The following NRXN2 variants were observed in gnomAD, a reference collection of about 807,000 sequenced individuals.
NRXN2 encodes the protein neurexin 2.
In NRXN2, 29 loss-of-function variants were observed where a neutral mutation model predicts 128.8. The observed-to-expected ratio is 0.23, with a 90% CI of 0.17 to 0.31. NRXN2 has a LOEUF of 0.31. Ranked by LOEUF, NRXN2 falls within the 10% of genes least tolerant of loss-of-function variation. The pLI is 1.00. For synonymous variants in NRXN2, 1,098 were observed against 1,075.2 expected (o/e 1.02, Z -0.41); for missense variants, 1,881 against 2,452.6 (o/e 0.77, Z 4.92).
At chr11:64,644,614 G>GGTC (rs2046356982) in intron 17 of NRXN2, among the ~76,000 whole-genome samples, 1 of 152,040 alleles carries the variant, frequency 6.6e-6, no homozygotes, top group East Asian at 1.9e-4. Context: ...TCCCGTCACC[G>GGTC]GGTCGTATGC....
At chr11:64,615,068 T>C (rs1223295641) in intron 22 of NRXN2, among the ~76,000 whole-genome samples, 2 of 152,208 alleles carry the variant, frequency 1.3e-5, no homozygotes, top group Admixed American at 6.5e-5. Flanking sequence ...AGCAAGGCCA[T>C]ACCTCACAGC....
At chr11:64,709,051 A>G (rs942673017) in intron 2 of NRXN2, among the ~76,000 whole-genome samples, 2 of 151,876 alleles carry the variant, frequency 1.3e-5, no homozygotes, top group African/African-American at 4.8e-5. Flanking sequence ...AATTAGCTGG[A>G]CATAGTGGCG....
rs1267271825 is a variant in NRXN2, at chr11:64,660,711, G to A, written c.2185+42C>T. 1.1e-5 allele frequency: 18 copies of A among 1,605,020 alleles called. No homozygotes were observed. In the Admixed American group the frequency reaches 3.0e-4, roughly 27 times the overall value. On this transcript the variant is annotated intron_variant, in intron 10 of 22. Coordinates refer to ENST00000265459, the MANE Select transcript of NRXN2 (RefSeq NM_015080.4). This position sits in a 1 kb window ranked among gnomAD's most constrained non-coding sequence, Gnocchi z 5.2. Reference sequence around the variant, plus strand: ...AGTCACCCTGAGAAGGAGGAGCACAGGGATAGGGAGCAGGGACACCTAGGA... The same window carrying A: ...AGTCACCCTGAGAAGGAGGAGCACAAGGATAGGGAGCAGGGACACCTAGGA...
Position 64,623,233 on chromosome 11 carries a change from G to T in NRXN2, c.3848-155C>A. ...GACGGGGAGAAATGAGGAAGGGGCA[G>T]AAAGCCAAAGGGAAAGTCCTTGTCA... On this transcript the variant is annotated intron_variant, in intron 20 of 22. Coordinates refer to ENST00000265459, the MANE Select transcript of NRXN2 (RefSeq NM_015080.4). This position sits in a 1 kb window ranked among gnomAD's most constrained non-coding sequence, Gnocchi z 4.9. The T allele has an allele frequency of 7.8e-7, 1 of 1,285,086 alleles. No homozygotes were observed. The highest frequency in any genetic ancestry group is 1.0e-6 in the Non-Finnish European group (1 of 958,662). 79.6% of individuals were successfully genotyped at this position (1,285,086 alleles called of 1,614,324 possible).
chr11:64,613,813 C>A (rs2041053363), intron 22 of NRXN2, among the ~76,000 whole-genome samples: 1 of 152,162 alleles, frequency 6.6e-6, no homozygotes, highest in Non-Finnish European at 1.5e-5. Context: ...AGAAGGCACT[C>A]GTGACAATCC....
chr11:64,695,754 A>G (rs143500870), intron 3 of NRXN2, among the ~76,000 whole-genome samples: 2,205 of 152,064 alleles, frequency 0.015, 20 homozygotes, highest in Non-Finnish European at 0.025. Flanking sequence ...ACAGCCTCCA[A>G]TACACAGCCC....
At position 64,635,770 on chromosome 11, in the gene NRXN2, A is replaced by G. The variant is rs1317745992; in HGVS notation, c.3404-318T>C. ...GAAGCTGTAAGGAGACTGAGAAGAC[A>G]AGAGTGCTGTGGGCAGGAAAGACCC... On this transcript the variant is annotated intron_variant, in intron 17 of 22. Coordinates refer to ENST00000265459, the MANE Select transcript of NRXN2 (RefSeq NM_015080.4). This position sits in a 1 kb window ranked among gnomAD's most constrained non-coding sequence, Gnocchi z 4.8. Among the ~76,000 whole-genome samples, 1 of 152,298 alleles carries G rather than the reference A, an allele frequency of 6.6e-6. No individual in the cohort carries two copies. Among genetic ancestry groups the G allele is most frequent in the South Asian group, 2.1e-4 (1 of 4,830 alleles).
At chr11:64,626,666 A>G in intron 19 of NRXN2, 114 bp from the exon 20 acceptor site, 1 of 819,476 alleles carries the variant, frequency 1.2e-6, no homozygotes, top group Admixed American at 1.7e-5. Context: ...ATCCACGGAA[A>G]GAGGGGAAGG....
chr11:64,643,021 G>T (rs2045980461), intron 17 of NRXN2: 1 of 1,004,452 alleles, frequency 1.0e-6, no homozygotes, highest in African/African-American at 1.7e-5. Flanking sequence ...CAAGGTCCAG[G>T]ATGCCTGGGT....
At chr11:64,668,926 A>G (rs904151844) in intron 7 of NRXN2, among the ~76,000 whole-genome samples, 8 of 152,152 alleles carry the variant, frequency 5.3e-5, no homozygotes, top group Admixed American at 5.2e-4. Context: ...CTGAACAGGA[A>G]TGGGGGCTCC....
At chr11:64,689,705 G>A (rs955547404) in intron 5 of NRXN2, among the ~76,000 whole-genome samples, 1 of 152,202 alleles carries the variant, frequency 6.6e-6, no homozygotes, top group African/African-American at 2.4e-5. Flanking sequence ...CACCTGGGGT[G>A]TTCAAGGAGA....
chr11:64,718,056 G>T (rs2135690011), intron 1 of NRXN2, among the ~76,000 whole-genome samples: 1 of 152,158 alleles, frequency 6.6e-6, no homozygotes, highest in African/African-American at 2.4e-5. Context: ...CAGTGAGCTG[G>T]CCTGGGATCA....
At chr11:64,662,436 T>C (rs1257286300) in intron 9 of NRXN2, among the ~76,000 whole-genome samples, 1 of 152,206 alleles carries the variant, frequency 6.6e-6, no homozygotes, top group Non-Finnish European at 1.5e-5. Context: ...TTATTCTACT[T>C]GTATTTTTAA....
chr11:64,624,358 G>GC (rs1276124615), intron 20 of NRXN2, among the ~76,000 whole-genome samples: 2 of 152,254 alleles, frequency 1.3e-5, no homozygotes, highest in East Asian at 1.9e-4. Flanking sequence ...TGTCTCCCCA[G>GC]CCCCCCACTC....
rs1411485530 is a variant in NRXN2 at position 64,630,155 on chromosome 11, A to C, written c.3757+247T>G. 7.9e-6 allele frequency among the ~76,000 whole-genome samples: 1 copy of C among 126,018 alleles called. No homozygotes were observed. Among genetic ancestry groups the C allele is most frequent in the Non-Finnish European group, 1.7e-5 (1 of 59,942 alleles). 82.7% of individuals were successfully genotyped at this position (126,018 alleles called of 152,430 possible). A position where few individuals can be genotyped will look rare whatever the true frequency, so the allele number is the denominator to read the frequency against. On this transcript the variant is annotated intron_variant, in intron 19 of 22. Transcript: ENST00000265459. This position sits in a 1 kb window ranked among gnomAD's most constrained non-coding sequence, Gnocchi z 4.6. ...TGCAACCTTCCCAGCTCAGCCCTGC[A>C]CCCTCCCCCATAGGGGGCGCATTCG... is the stretch of plus-strand genomic sequence containing the variant.
chr11:64,643,796 C>T (rs1044208791), intron 17 of NRXN2, among the ~76,000 whole-genome samples: 2 of 151,970 alleles, frequency 1.3e-5, no homozygotes, highest in Non-Finnish European at 2.9e-5. Flanking sequence ...TCCTGCACCC[C>T]CCTCCTGGAG....
chr11:64,661,086 C>T lies in NRXN2; in HGVS notation c.1852G>A (p.Glu618Lys). The change falls in exon 10 of 23, where the codon GAG becomes AAG. Residue 618 changes from glutamate (E) to lysine (K), a missense_variant. This residue lies in a region of NRXN2 where 997 missense variants were observed against 1,240.8 expected (regional missense o/e 0.80). Coordinates refer to ENST00000265459, the MANE Select transcript of NRXN2 (RefSeq NM_015080.4). ...STPFLATGDS[E>K]ILDLESELYL... ...AGCTCACTCTCCAGGTCCAGAATCT[C>T]GCTGTCTCCAGTGGCCAAGAACGGC... is the stretch of plus-strand genomic sequence containing the variant. The T allele has an allele frequency of 6.2e-7, 1 of 1,613,568 alleles. No homozygotes were observed. The highest frequency in any genetic ancestry group is 8.5e-7 in the Non-Finnish European group (1 of 1,180,022).
rs992137796 is a variant in NRXN2, at chr11:64,609,926, G to A, written c.4253-1844C>T. On this transcript the variant is annotated intron_variant, in intron 22 of 22. Coordinates refer to ENST00000265459, the MANE Select transcript of NRXN2 (RefSeq NM_015080.4). ...CCCAGGGCCTCCACTGCCAGGTCCCGCCTGCCCCACTGCAGCCCCACTGCA... is the reference window on the plus strand; with the variant it reads ...CCCAGGGCCTCCACTGCCAGGTCCCACCTGCCCCACTGCAGCCCCACTGCA... 1.3e-4 allele frequency among the ~76,000 whole-genome samples: 20 copies of A among 151,952 alleles called. 1 individual carries two copies. Among genetic ancestry groups the A allele is most frequent in the Admixed American group, 6.5e-5 (1 of 15,270 alleles).
intron 21 of NRXN2, among the ~76,000 whole-genome samples, chr11:64,621,417 T>C (rs1278169509): frequency 1.3e-5 from 2 of 152,072 alleles, no homozygotes; most frequent in Non-Finnish European, 2.9e-5. Context: ...GCCCAGACCT[T>C]TTCCCCAAGG....
Sources: allele counts gnomAD v4.1 joint callset (sites outside exome capture counted in the v4.1 genomes callset), GRCh38; gene constraint gnomAD v4.1.1; regional missense constraint gnomAD v4.1.1; non-coding constraint Gnocchi (gnomAD v3.1); transcripts MANE v1.5; gene names NCBI Gene and HGNC (gene_info 2026-07-23, HGNC 2026-07-21).